Variants in STAU2 observed in about 807,000 individuals in gnomAD.
The protein encoded by STAU2 is staufen double-stranded RNA binding protein 2, also known as double-stranded RNA-binding protein Staufen homolog 2.
STAU2 carries 20 observed loss-of-function variants against 65.9 expected under a neutral mutation model. The observed-to-expected ratio is 0.30, with a 90% CI of 0.21 to 0.44. The LOEUF (loss-of-function observed/expected upper bound fraction) is 0.44. Among genes scored for constraint, STAU2 ranks in the 20% least tolerant of loss-of-function variants. The probability of loss-of-function intolerance (pLI) is 1.00; values close to 1 mark genes in which losing one functional copy is unlikely to be tolerated. For synonymous variants in STAU2, 232 were observed against 233.9 expected, an observed-to-expected ratio of 0.99 and a Z score of 0.07; for missense variants, 558 against 683.9, an observed-to-expected ratio of 0.82 and a Z score of 2.05.
At chr8:73,703,155 G>A (rs1820241997) in intron 4 of STAU2, among the ~76,000 whole-genome samples, 1 of 152,170 alleles carries the variant, frequency 6.6e-6, no homozygotes, top group Admixed American at 6.5e-5. Flanking sequence ...AATGTTGGAG[G>A]TGGGGTCTGG....
At chr8:73,475,325 T>C (rs1046239043) in intron 13 of STAU2, among the ~76,000 whole-genome samples, 3 of 152,160 alleles carry the variant, frequency 2.0e-5, no homozygotes, top group African/African-American at 7.2e-5. Context: ...TCAGTTAGAC[T>C]TGCTTTGACG....
chr8:73,438,836 A>G (rs183180227), intron 13 of STAU2: 40 of 405,622 alleles, frequency 9.9e-5, no homozygotes, highest in African/African-American at 8.0e-4. Flanking sequence ...CAAATTTGCA[A>G]CGTGAGAAGG....
chr8:73,700,030 C>T (rs1016721922), intron 4 of STAU2, among the ~76,000 whole-genome samples: 1 of 152,068 alleles, frequency 6.6e-6, no homozygotes, highest in African/African-American at 2.4e-5. Flanking sequence ...ACACACAAAC[C>T]AATCAATGTG....
At chr8:73,660,481 A>C (rs188039343) in intron 6 of STAU2, among the ~76,000 whole-genome samples, 1 of 152,332 alleles carries the variant, frequency 6.6e-6, no homozygotes. Flanking sequence ...CTCTAAAAAC[A>C]GAACAAAGGA....
intron 6 of STAU2, among the ~76,000 whole-genome samples, chr8:73,625,980 T>C (rs1467200500): frequency 2.0e-5 from 3 of 152,134 alleles, no homozygotes; most frequent in South Asian, 2.1e-4. Context: ...ATTCAACATA[T>C]ACTTATTAAA....
intron 6 of STAU2, among the ~76,000 whole-genome samples, chr8:73,631,794 T>C (rs1814106364): frequency 6.6e-6 from 1 of 152,062 alleles, no homozygotes; most frequent in Non-Finnish European, 1.5e-5. Flanking sequence ...AATTAATGAA[T>C]AATAAGCTCC....
intron 6 of STAU2, among the ~76,000 whole-genome samples, chr8:73,632,663 T>C (rs1814187759): frequency 6.6e-6 from 1 of 152,170 alleles, no homozygotes. Flanking sequence ...AGTATGACCA[T>C]GGTGATCTCT....
At chr8:73,684,264 T>A (rs1308650402) in intron 5 of STAU2, among the ~76,000 whole-genome samples, 1 of 152,148 alleles carries the variant, frequency 6.6e-6, no homozygotes, top group African/African-American at 2.4e-5. Context: ...AATAGGCACA[T>A]AGACCAATGG....
intron 5 of STAU2, among the ~76,000 whole-genome samples, chr8:73,688,211 T>C (rs1486070632): frequency 2.0e-5 from 3 of 147,028 alleles, no homozygotes; most frequent in Non-Finnish European, 4.5e-5. Flanking sequence ...AGTTTCGCTC[T>C]TGTTGCCCAG....
At chr8:73,570,397 T>C (rs558777966) in intron 12 of STAU2, among the ~76,000 whole-genome samples, 1 of 152,016 alleles carries the variant, frequency 6.6e-6, no homozygotes, top group Admixed American at 6.5e-5. Flanking sequence ...TGCAGGATAT[T>C]ATCCAGGAGA....
At chr8:73,557,317 C>T (rs528808625) in intron 12 of STAU2, among the ~76,000 whole-genome samples, 155 of 152,218 alleles carry the variant, frequency 1.0e-3, no homozygotes, top group African/African-American at 3.4e-3. Flanking sequence ...ATAGAAATAG[C>T]ATAAAAACAT....
At chr8:73,631,905 T>C (rs910403224) in intron 6 of STAU2, among the ~76,000 whole-genome samples, 9 of 150,858 alleles carry the variant, frequency 6.0e-5, no homozygotes, top group Non-Finnish European at 1.2e-4. Context: ...TCCTAAATCT[T>C]ACCCACCCGC....
intron 3 of STAU2, among the ~76,000 whole-genome samples, chr8:73,715,362 AC>A (rs1821179054): frequency 6.6e-6 from 1 of 151,490 alleles, no homozygotes; most frequent in South Asian, 2.1e-4. Context: ...AGGCTGAGGC[AC>A]CAGAATCGCT....
At chr8:73,532,882 G>A (rs116163256) in intron 13 of STAU2, among the ~76,000 whole-genome samples, 1 of 152,150 alleles carries the variant, frequency 6.6e-6, no homozygotes, top group African/African-American at 2.4e-5. Flanking sequence ...TGTAAGCCAC[G>A]CACCTCCTCC....
intron 6 of STAU2, among the ~76,000 whole-genome samples, chr8:73,647,013 C>T (rs948576501): frequency 4.0e-5 from 6 of 149,944 alleles, no homozygotes; most frequent in African/African-American, 1.5e-4. Flanking sequence ...ATGGAAATGT[C>T]AAATTAAAGC....
At chr8:73,683,479 A>G (rs1818574427) in intron 5 of STAU2, among the ~76,000 whole-genome samples, 1 of 152,236 alleles carries the variant, frequency 6.6e-6, no homozygotes, top group Non-Finnish European at 1.5e-5. Flanking sequence ...AAAAGCATCT[A>G]TAACAAACCC....
At chr8:73,722,304 G>A (rs1202667462) in intron 3 of STAU2, among the ~76,000 whole-genome samples, 1 of 152,004 alleles carries the variant, frequency 6.6e-6, no homozygotes, top group Non-Finnish European at 1.5e-5. Flanking sequence ...AGATTTAACT[G>A]ATAAGAAAAA....
chr8:73,567,987 C>G (rs1808748570), intron 12 of STAU2, among the ~76,000 whole-genome samples: 1 of 152,010 alleles, frequency 6.6e-6, no homozygotes, highest in South Asian at 2.1e-4. Flanking sequence ...TAAACAAATA[C>G]TTTCTAAAAA....
chr8:73,732,648 A>G (rs1480132630), intron 3 of STAU2: 1 of 152,232 alleles, frequency 6.6e-6, no homozygotes, highest in Non-Finnish European at 1.5e-5. Context: ...CAGTCTTGGA[A>G]AGAAAAGTAA....
Sources: allele counts gnomAD v4.1 joint callset (sites outside exome capture counted in the v4.1 genomes callset), GRCh38; gene constraint gnomAD v4.1.1; transcripts MANE v1.5; gene names NCBI Gene and HGNC (gene_info 2026-07-23, HGNC 2026-07-21).